The following TRAPPC9 variants were observed in gnomAD, a reference collection of about 807,000 sequenced individuals.
TRAPPC9 encodes IKK2 binding protein.
TRAPPC9 carries 83 observed loss-of-function variants against 124.0 expected under a neutral mutation model. The ratio of observed to expected loss-of-function variants is 0.67; its 90% CI spans 0.56 to 0.80. TRAPPC9 has a LOEUF of 0.80. Among genes scored for constraint, TRAPPC9 ranks in the 30% least tolerant of loss-of-function variants. The pLI, the probability that TRAPPC9 is intolerant of heterozygous loss-of-function variation, is 0.00. For missense variants in TRAPPC9, 1,302 were observed against 1,508.3 expected, an observed-to-expected ratio of 0.86 and a Z score of 2.27; for synonymous variants, 638 against 617.5, an observed-to-expected ratio of 1.03 and a Z score of -0.49.
At chr8:140,108,586 G>A (rs573373092) in intron 17 of TRAPPC9, among the ~76,000 whole-genome samples, 1 of 152,370 alleles carries the variant, frequency 6.6e-6, no homozygotes, top group African/African-American at 2.4e-5. Context: ...AGGTGTGTAT[G>A]ACCAGGAAGA....
intron 21 of TRAPPC9, among the ~76,000 whole-genome samples, chr8:139,751,774 C>T (rs1235213941): frequency 6.7e-6 from 1 of 150,320 alleles, no homozygotes; most frequent in Non-Finnish European, 1.5e-5. Context: ...CAAGAGATGC[C>T]CTCAGGCTGC....
At chr8:140,385,053 C>T (rs1423993455) in intron 7 of TRAPPC9, among the ~76,000 whole-genome samples, 3 of 152,214 alleles carry the variant, frequency 2.0e-5, no homozygotes, top group Non-Finnish European at 4.4e-5. Flanking sequence ...ACTGAACAAC[C>T]TGCTCCTGAA....
intron 17 of TRAPPC9, among the ~76,000 whole-genome samples, chr8:140,036,219 T>A (rs1187716985): frequency 8.5e-6 from 1 of 117,240 alleles, no homozygotes; most frequent in Non-Finnish European, 2.1e-5. Context: ...CTGAACGACT[T>A]CTTTAAAAAA....
intron 9 of TRAPPC9, among the ~76,000 whole-genome samples, chr8:140,355,302 C>T (rs1164525980): frequency 6.6e-6 from 1 of 152,198 alleles, no homozygotes; most frequent in Non-Finnish European, 1.5e-5. Context: ...TCTGTTTTCT[C>T]ACTGGGAACT....
rs74361131 is a variant in TRAPPC9 at position 139,801,918 on chromosome 8, G to A, written c.3056-69716C>T. Among the ~76,000 whole-genome samples the A allele has an allele frequency of 0.012, 1,778 of 152,270 alleles. 104 individuals carry two copies. The East Asian group carries it at 0.18, about 16-fold the overall frequency. Reference sequence around the variant, plus strand: ...ATCCAGGACTGGGCCTGCAGAATCCGCCAGGGAGTCTCTGAGGCCTGTGGA... The same window carrying A: ...ATCCAGGACTGGGCCTGCAGAATCCACCAGGGAGTCTCTGAGGCCTGTGGA... On this transcript the variant is annotated intron_variant, in intron 21 of 22. Coordinates refer to ENST00000438773, the MANE Select transcript of TRAPPC9 (RefSeq NM_001160372.4).
chr8:140,390,797 C>G (rs2068903655), intron 7 of TRAPPC9, among the ~76,000 whole-genome samples: 2 of 152,218 alleles, frequency 1.3e-5, no homozygotes, highest in Admixed American at 1.3e-4. Context: ...CCTTTTACAT[C>G]TCTAATAAGG....
chr8:139,863,551 G>A (rs150069130), intron 21 of TRAPPC9, among the ~76,000 whole-genome samples: 26 of 152,358 alleles, frequency 1.7e-4, no homozygotes, highest in Non-Finnish European at 3.2e-4. Context: ...CGGGACTTGC[G>A]GGGTGAGGCC....
chr8:139,909,450 C>T (rs534871152), intron 20 of TRAPPC9, among the ~76,000 whole-genome samples: 1 of 151,900 alleles, frequency 6.6e-6, no homozygotes, highest in Non-Finnish European at 1.5e-5. Context: ...CCAGAGGACA[C>T]ATCCACTTCA....
intron 3 of TRAPPC9, among the ~76,000 whole-genome samples, chr8:140,437,338 T>C (rs1183463800): frequency 6.6e-6 from 1 of 152,130 alleles, no homozygotes. Flanking sequence ...GTATTTCTTA[T>C]ATTTGGCTGG....
chr8:140,338,547 C>T (rs1165508533), intron 9 of TRAPPC9, among the ~76,000 whole-genome samples: 4 of 152,176 alleles, frequency 2.6e-5, no homozygotes, highest in Admixed American at 6.5e-5. Flanking sequence ...AGAATGTGAC[C>T]GTGTGTGGAG....
intron 17 of TRAPPC9, among the ~76,000 whole-genome samples, chr8:140,151,192 G>A (rs2061538595): frequency 6.6e-6 from 1 of 152,168 alleles, no homozygotes; most frequent in East Asian, 1.9e-4. Flanking sequence ...AGCGCTGGTG[G>A]GGAGCACAGC....
chr8:139,938,265 G>A lies in TRAPPC9; in HGVS notation c.2811-27965C>T, dbSNP rs139762762. The stretch of plus-strand genomic sequence containing the variant: ...AATCAGATAGAAAACCACACAGTCA[G>A]TGGGTCCTTTGAAACAGTCTATCTT... On this transcript the variant is annotated intron_variant, in intron 19 of 22. Transcript: ENST00000438773. Among the ~76,000 whole-genome samples, 14 of 152,254 alleles carry A rather than the reference G, an allele frequency of 9.2e-5. No individual in the cohort carries two copies. The East Asian group carries it at 2.7e-3, about 29-fold the overall frequency.
chr8:139,913,901 C>T (rs925271393), intron 19 of TRAPPC9: 1 of 152,706 alleles, frequency 6.5e-6, no homozygotes, highest in Admixed American at 6.5e-5. Context: ...CCTGAGCCCC[C>T]TCCTCCTGGC....
intron 6 of TRAPPC9, 145 bp from the exon 7 acceptor site, chr8:140,397,890 G>A (rs2069141858): frequency 1.9e-6 from 2 of 1,066,284 alleles, no homozygotes; most frequent in Non-Finnish European, 2.8e-6. Flanking sequence ...ATATGGTTTG[G>A]TTCTGTGTCC....
chr8:140,094,668 A>T (rs1753836228), intron 17 of TRAPPC9, among the ~76,000 whole-genome samples: 1 of 152,194 alleles, frequency 6.6e-6, no homozygotes, highest in African/African-American at 2.4e-5. Flanking sequence ...TCCTGTAAGC[A>T]TTCATATCTG....
chr8:140,243,554 T>C (rs1170939551), intron 16 of TRAPPC9, among the ~76,000 whole-genome samples: 2 of 152,174 alleles, frequency 1.3e-5, no homozygotes, highest in African/African-American at 4.8e-5. Flanking sequence ...ATTTTCCCCA[T>C]GGTGTTCAAA....
Position 140,304,125 on chromosome 8 carries a change from G to A in TRAPPC9, c.1623-3511C>T, listed in dbSNP as rs1024792293. Reference sequence around the variant, plus strand: ...TTTTTTTTTTTTGAGACAGAGTCTCGCTCTTGTCGCCCAGGCTGGAATGCA... The same window carrying A: ...TTTTTTTTTTTTGAGACAGAGTCTCACTCTTGTCGCCCAGGCTGGAATGCA... On this transcript the variant is annotated intron_variant, in intron 10 of 22. Coordinates refer to ENST00000438773, the MANE Select transcript of TRAPPC9 (RefSeq NM_001160372.4). 3.4e-5 allele frequency among the ~76,000 whole-genome samples: 5 copies of A among 146,056 alleles called. No homozygotes were observed. The South Asian group carries it at 8.5e-4, about 25-fold the overall frequency.
intron 17 of TRAPPC9, among the ~76,000 whole-genome samples, chr8:140,051,516 G>T (rs1214002693): frequency 8.6e-6 from 1 of 116,420 alleles, no homozygotes; most frequent in African/African-American, 2.6e-5. Context: ...GCATACACCT[G>T]CAAGAAACAG....
At chr8:140,296,353 C>T (rs537985803) in intron 11 of TRAPPC9, among the ~76,000 whole-genome samples, 1 of 152,314 alleles carries the variant, frequency 6.6e-6, no homozygotes, top group South Asian at 2.1e-4. Flanking sequence ...TAGCCTCGAC[C>T]TCCCAGGCTC....
Sources: gnomAD v4.1 joint callset for allele counts (sites outside exome capture counted in the v4.1 genomes callset) on GRCh38, gnomAD v4.1.1 for gene constraint, MANE v1.5 for transcripts, NCBI Gene and HGNC (gene_info 2026-07-23, HGNC 2026-07-21) for gene names.